The following ITGBL1 variants were observed in gnomAD, a reference collection of about 807,000 sequenced individuals.
ITGBL1 encodes the protein integrin beta-like protein 1.
ITGBL1 carries 51 observed loss-of-function variants against 68.5 expected under a neutral mutation model. The ratio of observed to expected loss-of-function variants is 0.74; its 90% CI spans 0.59 to 0.94. ITGBL1 has a LOEUF of 0.94. ITGBL1 is among the 40% of genes least tolerant of loss of function. ITGBL1 has a pLI of 0.00. For missense variants in ITGBL1, 649 were observed against 647.4 expected (o/e 1.00, Z -0.03); for synonymous variants, 209 against 227.3 (o/e 0.92, Z 0.72).
intron 7 of ITGBL1, among the ~76,000 whole-genome samples, chr13:101,675,693 G>A (rs1193496346): frequency 6.6e-6 from 1 of 152,032 alleles, no homozygotes; most frequent in African/African-American, 2.4e-5. Flanking sequence ...AAATTTAGGG[G>A]TGGGATATTT....
intron 2 of ITGBL1, among the ~76,000 whole-genome samples, chr13:101,499,082 A>G (rs1427107852): frequency 3.3e-5 from 5 of 152,078 alleles, no homozygotes; most frequent in Non-Finnish European, 5.9e-5. Context: ...TGAATGTGAC[A>G]TTTGGGTGGG....
intron 7 of ITGBL1, among the ~76,000 whole-genome samples, chr13:101,598,531 T>C (rs1488237353): frequency 2.6e-5 from 4 of 152,084 alleles, no homozygotes; most frequent in African/African-American, 9.7e-5. Context: ...ATGTGCTGCA[T>C]GCATTAACTG....
At chr13:101,547,784 G>A (rs530384150) in intron 2 of ITGBL1, among the ~76,000 whole-genome samples, 60 of 151,648 alleles carry the variant, frequency 4.0e-4, no homozygotes, top group Non-Finnish European at 7.1e-4. Flanking sequence ...ACTATTATGC[G>A]TTGTATGCCT....
intron 2 of ITGBL1, among the ~76,000 whole-genome samples, chr13:101,514,287 A>G (rs2049161662): frequency 6.6e-6 from 1 of 152,164 alleles, no homozygotes; most frequent in African/African-American, 2.4e-5. Context: ...AGCAGTCAGA[A>G]TGTTAACATC....
intron 7 of ITGBL1, among the ~76,000 whole-genome samples, chr13:101,691,815 G>A (rs1455253800): frequency 2.6e-5 from 4 of 151,990 alleles, no homozygotes; most frequent in Admixed American, 6.6e-5. Flanking sequence ...AATATGTCTC[G>A]GCTTCCTGTT....
At chr13:101,580,854 G>A (rs917811492) in intron 5 of ITGBL1, among the ~76,000 whole-genome samples, 1 of 152,160 alleles carries the variant, frequency 6.6e-6, no homozygotes, top group African/African-American at 2.4e-5. Flanking sequence ...AGAAACATAA[G>A]CTAAGCCACC....
intron 7 of ITGBL1, among the ~76,000 whole-genome samples, chr13:101,660,688 C>T (rs2033060337): frequency 6.6e-6 from 1 of 152,100 alleles, no homozygotes; most frequent in African/African-American, 2.4e-5. Context: ...CTAAGTTAAC[C>T]TTGCCCATGC....
At chr13:101,617,280 C>T (rs911045717) in intron 7 of ITGBL1, among the ~76,000 whole-genome samples, 4 of 152,042 alleles carry the variant, frequency 2.6e-5, no homozygotes, top group Admixed American at 1.3e-4. Context: ...GTAGACCAAG[C>T]CCCAAATTAT....
At chr13:101,577,466 G>T (rs2139275884) in intron 4 of ITGBL1, among the ~76,000 whole-genome samples, 1 of 152,240 alleles carries the variant, frequency 6.6e-6, no homozygotes, top group South Asian at 2.1e-4. Flanking sequence ...GCATAGACGT[G>T]TATTGTTACA....
chr13:101,470,180 C>T (rs148786130), intron 2 of ITGBL1, among the ~76,000 whole-genome samples: 18 of 152,202 alleles, frequency 1.2e-4, no homozygotes, highest in African/African-American at 2.6e-4. Flanking sequence ...GACTGCAAAA[C>T]GAAATATTCT....
intron 2 of ITGBL1, among the ~76,000 whole-genome samples, chr13:101,481,638 C>G (rs899710274): frequency 2.0e-5 from 3 of 152,222 alleles, no homozygotes; most frequent in Non-Finnish European, 4.4e-5. Context: ...GGAACACCCA[C>G]GCCCATCATG....
intron 6 of ITGBL1, among the ~76,000 whole-genome samples, chr13:101,592,682 A>G (rs775972208): frequency 6.6e-6 from 1 of 152,146 alleles, no homozygotes; most frequent in Non-Finnish European, 1.5e-5. Flanking sequence ...TGGAAAAAAG[A>G]TAATATTTTC....
At chr13:101,521,572 G>A (rs777291933) in intron 2 of ITGBL1, among the ~76,000 whole-genome samples, 40 of 151,954 alleles carry the variant, frequency 2.6e-4, no homozygotes, top group Admixed American at 6.6e-5. Flanking sequence ...AGGAGATGAC[G>A]TCAGAGGAGT....
downstream of ITGBL1, chr13:101,719,573 T>C (rs748760358): frequency 6.6e-6 from 1 of 152,078 alleles, no homozygotes; most frequent in Non-Finnish European, 1.5e-5. Context: ...AGCAATCTTA[T>C]ATTAGAAAAC....
chr13:101,494,966 T>G (rs1010916902), intron 2 of ITGBL1, among the ~76,000 whole-genome samples: 1 of 152,206 alleles, frequency 6.6e-6, no homozygotes, highest in African/African-American at 2.4e-5. Flanking sequence ...AGAATAGGAA[T>G]GCGTTAGACC....
intron 7 of ITGBL1, among the ~76,000 whole-genome samples, chr13:101,657,576 C>T (rs908031894): frequency 2.6e-5 from 4 of 152,022 alleles, no homozygotes; most frequent in South Asian, 2.1e-4. Context: ...CTAAATATGC[C>T]TAAACTCTAA....
At chr13:101,659,326 G>A (rs2033021813) in intron 7 of ITGBL1, among the ~76,000 whole-genome samples, 1 of 151,996 alleles carries the variant, frequency 6.6e-6, no homozygotes, top group East Asian at 1.9e-4. Flanking sequence ...TAAACAATGA[G>A]ATATAATTTC....
At chr13:101,607,451 C>T (rs1300822863) in intron 7 of ITGBL1, among the ~76,000 whole-genome samples, 1 of 151,814 alleles carries the variant, frequency 6.6e-6, no homozygotes, top group Non-Finnish European at 1.5e-5. Flanking sequence ...CATAATATTC[C>T]ATTATATAGT....
intron 7 of ITGBL1, among the ~76,000 whole-genome samples, chr13:101,667,278 C>A (rs564174939): frequency 6.6e-6 from 1 of 152,180 alleles, no homozygotes; most frequent in African/African-American, 2.4e-5. Context: ...AACATATAGT[C>A]TTTTAAGTTT....
Sources: allele counts gnomAD v4.1 joint callset (sites outside exome capture counted in the v4.1 genomes callset), GRCh38; gene constraint gnomAD v4.1.1; transcripts MANE v1.5; gene names NCBI Gene and HGNC (gene_info 2026-07-23, HGNC 2026-07-21).